The following NETO1 variants were observed in gnomAD, a reference collection of about 807,000 sequenced individuals.
NETO1 encodes neuropilin and tolloid-like protein 1.
Under a neutral mutation model 61.3 loss-of-function variants are expected in NETO1, and 26 were observed. The ratio of observed to expected loss-of-function variants is 0.42; its 90% CI spans 0.31 to 0.59. The LOEUF (loss-of-function observed/expected upper bound fraction) is 0.59. NETO1 is among the 20% of genes least tolerant of loss of function. The pLI, the probability that NETO1 is intolerant of heterozygous loss-of-function variation, is 0.12. For synonymous variants in NETO1, 225 were observed against 225.8 expected, an observed-to-expected ratio of 1.00 and a Z score of 0.03; for missense variants, 531 against 662.8, an observed-to-expected ratio of 0.80 and a Z score of 2.18.
chr18:72,752,408 A>G (rs2070650304), intron 8 of NETO1, among the ~76,000 whole-genome samples: 1 of 152,144 alleles, frequency 6.6e-6, no homozygotes. Flanking sequence ...CCCTGTTAAA[A>G]CCGTGTTGCC....
rs2073409406 is a variant in NETO1, at chr18:72,827,283, TGA to T, written c.469+31541_469+31542del. Among the ~76,000 whole-genome samples, 3 of 152,168 alleles carry T rather than the reference TGA, an allele frequency of 2.0e-5. No individual in the cohort carries two copies. The South Asian group carries it at 6.2e-4, about 32-fold the overall frequency. ...TATGCAACGTGAGTGACAATGAATC[TGA>T]GAAGCAAAACACACATGCTGCCCCT... On this transcript the variant is annotated intron_variant, in intron 4 of 10. Transcript: ENST00000327305.
At chr18:72,867,113 A>C (rs2074762274) in intron 1 of NETO1, 151 bp downstream of exon 1, 1 of 554,326 alleles carries the variant, frequency 1.8e-6, no homozygotes, top group African/African-American at 2.0e-5. Flanking sequence ...ACGATGCTGC[A>C]ATACAGAAAG....
chr18:72,817,659 G>C (rs536532244), intron 4 of NETO1, among the ~76,000 whole-genome samples: 2 of 152,220 alleles, frequency 1.3e-5, no homozygotes, highest in African/African-American at 4.8e-5. Flanking sequence ...ACCTCTTAGC[G>C]TGAGCTAGGC....
At chr18:72,811,479 A>G (rs1027136228) in intron 4 of NETO1, among the ~76,000 whole-genome samples, 6 of 152,194 alleles carry the variant, frequency 3.9e-5, no homozygotes, top group African/African-American at 1.4e-4. Context: ...CATTGCTACA[A>G]ATTAAATGAT....
rs2073530417 is a variant in NETO1 at position 72,830,226 on chromosome 18, GACGGGA to G, written c.469+28594_469+28599del. ...AGGGAAGGAAGCAGCCCTCCCAAGA[GACGGGA>G]ACAGCAGTGCTATCTTGGTGCCGGC... is the stretch of plus-strand genomic sequence containing the variant. On this transcript the variant is annotated intron_variant, in intron 4 of 10. Transcript: ENST00000327305. This position sits in a 1 kb window ranked among gnomAD's most constrained non-coding sequence, Gnocchi z 4.9. 6.6e-6 allele frequency among the ~76,000 whole-genome samples: 1 copy of G among 152,148 alleles called. No homozygotes were observed. The highest frequency in any genetic ancestry group is 6.5e-5 in the Admixed American group (1 of 15,272).
intron 7 of NETO1, among the ~76,000 whole-genome samples, chr18:72,773,900 G>T (rs1449041519): frequency 1.3e-5 from 2 of 151,742 alleles, no homozygotes; most frequent in Non-Finnish European, 2.9e-5. Context: ...CTCAGTTTTT[G>T]GAACTTAAAT....
intron 4 of NETO1, among the ~76,000 whole-genome samples, chr18:72,839,574 G>C (rs968860707): frequency 6.6e-5 from 10 of 151,708 alleles, no homozygotes; most frequent in Admixed American, 4.6e-4. Context: ...GGGCCTATCA[G>C]AACATGGGCT....
intron 4 of NETO1, among the ~76,000 whole-genome samples, chr18:72,828,243 G>A (rs1305868121): frequency 6.6e-6 from 1 of 151,986 alleles, no homozygotes; most frequent in Non-Finnish European, 1.5e-5. Context: ...CCCAGGAGGC[G>A]AAGGTTTCAA....
chr18:72,832,200 G>A (rs746950303), intron 4 of NETO1, among the ~76,000 whole-genome samples: 1 of 151,844 alleles, frequency 6.6e-6, no homozygotes, highest in Non-Finnish European at 1.5e-5. Flanking sequence ...AAAATTTGAG[G>A]CCATATAAAA....
At chr18:72,821,283 C>T (rs2145296385) in intron 4 of NETO1, among the ~76,000 whole-genome samples, 1 of 146,856 alleles carries the variant, frequency 6.8e-6, no homozygotes, top group South Asian at 2.2e-4. Context: ...TGGCTCATGC[C>T]TGTAATCTCA....
At position 72,843,446 on chromosome 18, in the gene NETO1, G is replaced by C. The variant is rs541848568; in HGVS notation, c.469+15380C>G. ...GACATCTGAAATCATCCTGATAATA[G>C]AGATACTATGATATTTTCAAAAGTA... is the stretch of plus-strand genomic sequence containing the variant. On this transcript the variant is annotated intron_variant, in intron 4 of 10. Coordinates refer to ENST00000327305, the MANE Select transcript of NETO1 (RefSeq NM_138966.5). Among the ~76,000 whole-genome samples the C allele has an allele frequency of 7.2e-5, 11 of 152,190 alleles. No individual in the cohort carries two copies. In the East Asian group the frequency reaches 7.7e-4, roughly 11 times the overall value.
chr18:72,751,304 T>G (rs904454463), intron 8 of NETO1, among the ~76,000 whole-genome samples: 1 of 152,170 alleles, frequency 6.6e-6, no homozygotes, highest in Non-Finnish European at 1.5e-5. Flanking sequence ...TAAACCAATC[T>G]ACTAAATGTC....
rs1555682606 is a variant in NETO1 at position 72,763,593 on chromosome 18, ACT to A, written c.869-7448_869-7447del. Among the ~76,000 whole-genome samples, 54 of 128,588 alleles carry A rather than the reference ACT, an allele frequency of 4.2e-4. No individual in the cohort carries two copies. The South Asian group carries it at 8.8e-3, about 21-fold the overall frequency. The allele number at this position is 128,588 out of a possible 152,430, so 84.4% of individuals were successfully genotyped here. A position where few individuals can be genotyped will look rare whatever the true frequency, so the allele number is the denominator to read the frequency against. On this transcript the variant is annotated intron_variant, in intron 7 of 10. Transcript: ENST00000327305. ...ACACAAACTCATACACCACACACAC[ACT>A]CACAAACACACACACCATTCACACA...
At chr18:72,754,143 T>G (rs1290516738) in intron 8 of NETO1, among the ~76,000 whole-genome samples, 2 of 152,138 alleles carry the variant, frequency 1.3e-5, no homozygotes, top group African/African-American at 4.8e-5. Flanking sequence ...TCTGAGAAGC[T>G]AAGCTGTATG....
chr18:72,846,901 T>C (rs535293885), intron 4 of NETO1, among the ~76,000 whole-genome samples: 66 of 152,344 alleles, frequency 4.3e-4, no homozygotes, highest in Non-Finnish European at 8.4e-4. Context: ...CCACTGACCA[T>C]TCCACAAATT....
intron 4 of NETO1, among the ~76,000 whole-genome samples, chr18:72,843,213 C>T (rs950809821): frequency 6.6e-6 from 1 of 152,162 alleles, no homozygotes; most frequent in South Asian, 2.1e-4. Context: ...TTGTAGTCAA[C>T]GGTCATTAAT....
chr18:72,811,384 A>C (rs2072860934), intron 4 of NETO1, among the ~76,000 whole-genome samples: 1 of 152,224 alleles, frequency 6.6e-6, no homozygotes, highest in African/African-American at 2.4e-5. Flanking sequence ...ATATTCCAAA[A>C]GAAACTCCCA....
At chr18:72,764,376 C>G (rs759420959) in intron 7 of NETO1, among the ~76,000 whole-genome samples, 2 of 152,080 alleles carry the variant, frequency 1.3e-5, no homozygotes, top group African/African-American at 4.8e-5. Flanking sequence ...GTCATGAATT[C>G]ACATTGAAGA....
intron 7 of NETO1, among the ~76,000 whole-genome samples, chr18:72,768,255 C>T (rs9965300): frequency 0.75 from 113,918 of 151,942 alleles, 42,807 homozygotes; most frequent in Admixed American, 0.82. Context: ...TTTTTTTCTA[C>T]AGTAATAAAA....
Sources: allele counts gnomAD v4.1 joint callset (sites outside exome capture counted in the v4.1 genomes callset), GRCh38; gene constraint gnomAD v4.1.1; non-coding constraint Gnocchi (gnomAD v3.1); transcripts MANE v1.5; gene names NCBI Gene and HGNC (gene_info 2026-07-23, HGNC 2026-07-21).